The following ATP6V1C2 variants were observed in gnomAD, a reference collection of about 807,000 sequenced individuals.
ATP6V1C2 encodes V-type proton ATPase subunit C 2.
Under a neutral mutation model 56.8 loss-of-function variants are expected in ATP6V1C2, and 45 were observed. The ratio of observed to expected loss-of-function variants is 0.79; its 90% CI spans 0.62 to 1.02. The LOEUF (loss-of-function observed/expected upper bound fraction) is 1.02. Among genes scored for constraint, ATP6V1C2 ranks in the 50% least tolerant of loss-of-function variants. The pLI, the probability that ATP6V1C2 is intolerant of heterozygous loss-of-function variation, is 0.00. For missense variants in ATP6V1C2, 463 were observed against 519.7 expected, an observed-to-expected ratio of 0.89 and a Z score of 1.06; for synonymous variants, 220 against 201.3, an observed-to-expected ratio of 1.09 and a Z score of -0.79.
At chr2:10,781,216 A>C (rs1333837408) in intron 12 of ATP6V1C2, among the ~76,000 whole-genome samples, 1 of 152,190 alleles carries the variant, frequency 6.6e-6, no homozygotes, top group African/African-American at 2.4e-5. Flanking sequence ...CAACAGAGGC[A>C]GGCCTCTCCC....
chr2:10,725,104 G>C (rs1435233676), intron 2 of ATP6V1C2, among the ~76,000 whole-genome samples: 3 of 151,906 alleles, frequency 2.0e-5, no homozygotes, highest in Admixed American at 1.3e-4. Context: ...GGACATTGTA[G>C]TAATTTCTAC....
intron 12 of ATP6V1C2, 63 bp from the exon 13 acceptor site, chr2:10,782,180 G>A: frequency 1.3e-6 from 2 of 1,594,108 alleles, no homozygotes; most frequent in Non-Finnish European, 1.7e-6. Flanking sequence ...TTTCTGGTCA[G>A]GTTCCTTCTA....
At chr2:10,746,529 C>T (rs1165311654) in intron 3 of ATP6V1C2, among the ~76,000 whole-genome samples, 1 of 151,936 alleles carries the variant, frequency 6.6e-6, no homozygotes, top group Non-Finnish European at 1.5e-5. Flanking sequence ...TCTCGTGCCT[C>T]AGCCTCCGAA....
At chr2:10,758,796 G>A (rs1663709103) in intron 4 of ATP6V1C2, among the ~76,000 whole-genome samples, 1 of 151,946 alleles carries the variant, frequency 6.6e-6, no homozygotes, top group Non-Finnish European at 1.5e-5. Flanking sequence ...CCAAATAGCT[G>A]GGACTGTAGT....
intron 5 of ATP6V1C2, among the ~76,000 whole-genome samples, chr2:10,767,253 C>T (rs1482623565): frequency 6.7e-6 from 1 of 149,438 alleles, no homozygotes; most frequent in African/African-American, 2.5e-5. Context: ...CTCCACCTCC[C>T]TGGTTCAAGC....
intron 3 of ATP6V1C2, among the ~76,000 whole-genome samples, chr2:10,753,593 G>A (rs1663344825): frequency 6.7e-6 from 1 of 150,368 alleles, no homozygotes; most frequent in Non-Finnish European, 1.5e-5. Flanking sequence ...GTGCAGTGGT[G>A]CAATCTCGGC....
chr2:10,779,707 A>AAAAAG (rs746755191), intron 12 of ATP6V1C2, among the ~76,000 whole-genome samples: 5 of 145,066 alleles, frequency 3.4e-5, no homozygotes, highest in African/African-American at 7.5e-5. Context: ...AAAAAAAAAA[A>AAAAAG]CTTCACTGTG....
intron 12 of ATP6V1C2, 131 bp from the exon 13 acceptor site, chr2:10,782,112 T>C (rs1665398285): frequency 9.0e-7 from 1 of 1,114,768 alleles, no homozygotes. Context: ...GGCATTTTGC[T>C]CGAGTTTGAC....
At chr2:10,735,844 CT>C (rs1167705322) in intron 3 of ATP6V1C2, among the ~76,000 whole-genome samples, 1 of 152,004 alleles carries the variant, frequency 6.6e-6, no homozygotes, top group Non-Finnish European at 1.5e-5. Flanking sequence ...TGACCATGGC[CT>C]CCCAAAGTAC....
chr2:10,764,300 CAT>C (rs1558413294), intron 4 of ATP6V1C2, 29 bp from the exon 5 acceptor site: 2 of 1,543,166 alleles, frequency 1.3e-6, no homozygotes, highest in Non-Finnish European at 1.8e-6. Flanking sequence ...AGCGCAGGCT[CAT>C]GTGTTGAAAT....
At position 10,727,636 on chromosome 2, in the gene ATP6V1C2, C is replaced by T. The variant is rs1432361827; in HGVS notation, c.197+1067C>T. 3.3e-5 allele frequency among the ~76,000 whole-genome samples: 5 copies of T among 152,204 alleles called. No individual in the cohort carries two copies. In the South Asian group the frequency reaches 6.2e-4, roughly 19 times the overall value. On this transcript the variant is annotated intron_variant, in intron 3 of 13. Transcript: ENST00000272238. Reference sequence around the variant, plus strand: ...GTTTCCGGCCAGGAGTGGTAGCTCACCCCTATAATCCCAGCATTTTGGGAG... The same window carrying T: ...GTTTCCGGCCAGGAGTGGTAGCTCATCCCTATAATCCCAGCATTTTGGGAG...
At chr2:10,730,349 C>T (rs569357651) in intron 3 of ATP6V1C2, among the ~76,000 whole-genome samples, 13 of 152,250 alleles carry the variant, frequency 8.5e-5, no homozygotes, top group East Asian at 1.9e-4. Context: ...CTCCTAACCT[C>T]AAGTGATCTT....
chr2:10,756,779 C>T (rs1663574404), intron 4 of ATP6V1C2, among the ~76,000 whole-genome samples: 1 of 151,976 alleles, frequency 6.6e-6, no homozygotes, highest in African/African-American at 2.4e-5. Flanking sequence ...GCTACAGTTG[C>T]GATAGCCTAG....
At chr2:10,733,998 G>A (rs1184237033) in intron 3 of ATP6V1C2, among the ~76,000 whole-genome samples, 1 of 152,216 alleles carries the variant, frequency 6.6e-6, no homozygotes, top group Non-Finnish European at 1.5e-5. Context: ...GCATTCTAAA[G>A]AGAAGTAAAC....
At chr2:10,730,044 T>A (rs1305281294) in intron 3 of ATP6V1C2, among the ~76,000 whole-genome samples, 1 of 152,214 alleles carries the variant, frequency 6.6e-6, no homozygotes, top group African/African-American at 2.4e-5. Context: ...TTCTTCTTAG[T>A]GGAATGGTGA....
At chr2:10,754,099 A>G (rs2148459182) in intron 4 of ATP6V1C2, 33 bp downstream of exon 4, 1 of 1,542,996 alleles carries the variant, frequency 6.5e-7, no homozygotes, top group East Asian at 2.4e-5. Flanking sequence ...GTGGAGCACA[A>G]TCTCCCCGCT....
chr2:10,733,387 T>C (rs1311859890), intron 3 of ATP6V1C2, among the ~76,000 whole-genome samples: 1 of 152,182 alleles, frequency 6.6e-6, no homozygotes, highest in African/African-American at 2.4e-5. Context: ...AGCATAAACC[T>C]GTCAGCACTG....
intron 3 of ATP6V1C2, among the ~76,000 whole-genome samples, chr2:10,732,223 C>T (rs1661988476): frequency 6.6e-6 from 1 of 151,954 alleles, no homozygotes; most frequent in South Asian, 2.1e-4. Flanking sequence ...CCCTCCATCC[C>T]TCCCTCTCCC....
intron 3 of ATP6V1C2, among the ~76,000 whole-genome samples, chr2:10,744,518 A>G (rs999236244): frequency 2.0e-5 from 3 of 152,088 alleles, no homozygotes; most frequent in African/African-American, 7.2e-5. Flanking sequence ...CTCACCTTTA[A>G]TGCTGCAGAT....
Sources: allele counts gnomAD v4.1 joint callset (sites outside exome capture counted in the v4.1 genomes callset), GRCh38; gene constraint gnomAD v4.1.1; transcripts MANE v1.5; gene names NCBI Gene and HGNC (gene_info 2026-07-23, HGNC 2026-07-21).